The following PPP1R12A variants were observed in gnomAD, a reference collection of about 807,000 sequenced individuals.
PPP1R12A encodes the protein myosin binding subunit.
In PPP1R12A, 19 loss-of-function variants were observed where a neutral mutation model predicts 139.6. The ratio of observed to expected loss-of-function variants is 0.14; its 90% CI spans 0.09 to 0.20. PPP1R12A has a LOEUF of 0.20. Ranked by LOEUF, PPP1R12A falls within the 10% of genes least tolerant of loss-of-function variation. The pLI is 1.00. For missense variants in PPP1R12A, 925 were observed against 1,211.5 expected (o/e 0.76, Z 3.51); for synonymous variants, 427 against 420.6 (o/e 1.02, Z -0.19).
intron 1 of PPP1R12A, among the ~76,000 whole-genome samples, chr12:79,896,923 C>T (rs1885183308): frequency 6.6e-6 from 1 of 152,070 alleles, no homozygotes; most frequent in Non-Finnish European, 1.5e-5. Context: ...ATCCTCACAG[C>T]AAAAATTCAA....
chr12:79,926,208 C>T (rs1216567041), intron 1 of PPP1R12A, among the ~76,000 whole-genome samples: 1 of 152,166 alleles, frequency 6.6e-6, no homozygotes, highest in East Asian at 1.9e-4. Context: ...TTCTTTAAGA[C>T]AGAATCTCGC....
At chr12:79,839,008 A>T (rs1878403534) in intron 3 of PPP1R12A, among the ~76,000 whole-genome samples, 1 of 152,222 alleles carries the variant, frequency 6.6e-6, no homozygotes, top group Admixed American at 6.5e-5. Flanking sequence ...AGAGACACTC[A>T]ACACTGGCCC....
At chr12:79,898,932 G>T (rs986779813) in intron 1 of PPP1R12A, among the ~76,000 whole-genome samples, 1 of 151,580 alleles carries the variant, frequency 6.6e-6, no homozygotes, top group African/African-American at 2.4e-5. Context: ...CTTTTCCTTC[G>T]CATTTTATTG....
At chr12:79,919,216 G>A (rs980632900) in intron 1 of PPP1R12A, among the ~76,000 whole-genome samples, 1 of 151,748 alleles carries the variant, frequency 6.6e-6, no homozygotes, top group African/African-American at 2.4e-5. Context: ...AACAACCTTG[G>A]CTAACATTTA....
intron 1 of PPP1R12A, among the ~76,000 whole-genome samples, chr12:79,875,082 T>C (rs1407048386): frequency 1.2e-4 from 18 of 152,220 alleles, no homozygotes. Flanking sequence ...AATTTTCTTA[T>C]TTATACCTAT....
At chr12:79,839,722 C>T (rs1290718853) in intron 3 of PPP1R12A, among the ~76,000 whole-genome samples, 2 of 152,150 alleles carry the variant, frequency 1.3e-5, no homozygotes, top group African/African-American at 4.8e-5. Flanking sequence ...GTCATGACTG[C>T]ATGATTGTAA....
At chr12:79,912,567 A>G (rs1886661614) in intron 1 of PPP1R12A, among the ~76,000 whole-genome samples, 1 of 152,130 alleles carries the variant, frequency 6.6e-6, no homozygotes. Context: ...GATAGCATGC[A>G]CCTGCAGTCC....
chr12:79,855,922 T>TA (rs890928941), intron 2 of PPP1R12A, among the ~76,000 whole-genome samples: 375 of 146,482 alleles, frequency 2.6e-3, no homozygotes, highest in African/African-American at 5.0e-3. Context: ...CTTAGAACAG[T>TA]AAAAAAAAAA....
chr12:79,843,627 T>C (rs1879031053), intron 3 of PPP1R12A, among the ~76,000 whole-genome samples: 1 of 113,934 alleles, frequency 8.8e-6, no homozygotes, highest in Non-Finnish European at 1.7e-5. Flanking sequence ...GATATAGATA[T>C]AGATATAGAT....
chr12:79,826,146 G>A (rs114446198), intron 5 of PPP1R12A, among the ~76,000 whole-genome samples: 1 of 151,920 alleles, frequency 6.6e-6, no homozygotes, highest in African/African-American at 2.4e-5. Flanking sequence ...AAGTTATAGA[G>A]GAACTTAGCA....
chr12:79,865,279 T>TAAAA (rs1194252056), intron 2 of PPP1R12A, among the ~76,000 whole-genome samples: 2 of 152,178 alleles, frequency 1.3e-5, no homozygotes, highest in African/African-American at 4.8e-5. Flanking sequence ...CCTTTCATGC[T>TAAAA]AAAAACTCTC....
Position 79,786,392 on chromosome 12 carries a change from C to T in PPP1R12A, c.2889G>A (p.Gln963=), listed in dbSNP as rs1343341907. ...TACAAACCTGGGTGGCCTTTTCCAACTGTAATTTAAGATCTGTTAGTTCCA... is the reference window on the plus strand; with the variant it reads ...TACAAACCTGGGTGGCCTTTTCCAATTGTAATTTAAGATCTGTTAGTTCCA... The part of the protein sequence containing the change: ...TNMELTDLKL[Q]LEKATQRQER... Residue 963 remains glutamine (Q), a synonymous_variant, in exon 22 of 25, where the codon CAG becomes CAA. Transcript: ENST00000450142. The T allele has an allele frequency of 3.2e-6, 5 of 1,553,656 alleles. No individual in the cohort carries two copies. Among genetic ancestry groups the T allele is most frequent in the Middle Eastern group, 1.7e-4 (1 of 5,992 alleles).
intron 2 of PPP1R12A, among the ~76,000 whole-genome samples, chr12:79,869,715 A>T (rs1341529744): frequency 6.6e-6 from 1 of 152,178 alleles, no homozygotes; most frequent in Non-Finnish European, 1.5e-5. Flanking sequence ...AAAAAGACTT[A>T]GGAAGAAACT....
chr12:79,848,386 T>A (rs1443860386), intron 2 of PPP1R12A, among the ~76,000 whole-genome samples: 1 of 152,094 alleles, frequency 6.6e-6, no homozygotes, highest in African/African-American at 2.4e-5. Context: ...TAAAAATACA[T>A]CTATTCTGCT....
In PPP1R12A at chr12:79,813,361, C is replaced by T. The variant is rs577206961; in HGVS notation, c.1240-3351G>A. On this transcript the variant is annotated intron_variant, in intron 9 of 24. Transcript: ENST00000450142. ...ATTTATCTAAAATGTCCTGATTCTA[C>T]TACCTTAAGTCAAATATAATTTCTT... Among the ~76,000 whole-genome samples, 4 of 152,302 alleles carry T rather than the reference C, an allele frequency of 2.6e-5. No homozygotes were observed. The South Asian group carries it at 8.3e-4, about 32-fold the overall frequency.
chr12:79,899,550 T>C (rs1340667996), intron 1 of PPP1R12A, among the ~76,000 whole-genome samples: 1 of 152,148 alleles, frequency 6.6e-6, no homozygotes, highest in Non-Finnish European at 1.5e-5. Context: ...CATGTTGTTG[T>C]GGTTATCAAG....
At chr12:79,933,985 C>CGAGTATCAGACTCAACACGT (rs1334531509) in intron 1 of PPP1R12A, among the ~76,000 whole-genome samples, 3 of 149,348 alleles carry the variant, frequency 2.0e-5, no homozygotes, top group Non-Finnish European at 4.5e-5. Flanking sequence ...CGGCAAACTT[C>CGAGTATCAGACTCAACACGT]GAGTATCAGA....
At chr12:79,908,389 G>C (rs932971964) in intron 1 of PPP1R12A, among the ~76,000 whole-genome samples, 4 of 152,114 alleles carry the variant, frequency 2.6e-5, no homozygotes, top group African/African-American at 9.7e-5. Flanking sequence ...AATAATAGAA[G>C]ACCCAAATGC....
chr12:79,926,326 C>G (rs1354475410), intron 1 of PPP1R12A, among the ~76,000 whole-genome samples: 1 of 152,168 alleles, frequency 6.6e-6, no homozygotes, highest in African/African-American at 2.4e-5. Flanking sequence ...GCTGGGATTA[C>G]AGGCATGCGC....
Sources: gnomAD v4.1 joint callset for allele counts (sites outside exome capture counted in the v4.1 genomes callset) on GRCh38, gnomAD v4.1.1 for gene constraint, MANE v1.5 for transcripts, NCBI Gene and HGNC (gene_info 2026-07-23, HGNC 2026-07-21) for gene names.